ALCAM: variants seen among roughly 807,000 people sequenced by gnomAD.
ALCAM encodes the protein CD166 antigen.
A neutral mutation model predicts 70.9 loss-of-function variants in ALCAM; 30 were observed. The observed-to-expected ratio is 0.42, with a 90% CI of 0.32 to 0.57. The LOEUF (loss-of-function observed/expected upper bound fraction) is 0.57. ALCAM is among the 20% of genes least tolerant of loss of function. The probability of loss-of-function intolerance (pLI) is 0.11; values close to 1 mark genes in which losing one functional copy is unlikely to be tolerated. For missense variants in ALCAM, 591 were observed against 695.1 expected (o/e 0.85, Z 1.68); for synonymous variants, 249 against 242.5 (o/e 1.03, Z -0.25).
In ALCAM at chr3:105,526,224, T is replaced by A. The variant is rs935278101; in HGVS notation, c.394+1716T>A. Among the ~76,000 whole-genome samples the A allele has an allele frequency of 2.0e-5, 3 of 151,752 alleles. 1 individual carries two copies. Among genetic ancestry groups the A allele is most frequent in the Admixed American group, 6.6e-5 (1 of 15,242 alleles). On this transcript the variant is annotated intron_variant, in intron 3 of 15. Coordinates refer to ENST00000306107, the MANE Select transcript of ALCAM (RefSeq NM_001627.4). ...ACTGAGATGGTAATATACAAGGGAG[T>A]TGAGAAAATTCAGTTTGTTTCATTT...
intron 1 of ALCAM, among the ~76,000 whole-genome samples, chr3:105,408,838 T>C (rs1329206651): frequency 6.6e-6 from 1 of 151,456 alleles, no homozygotes; most frequent in Non-Finnish European, 1.5e-5. Flanking sequence ...TACAAAGAAT[T>C]CAAATAAATC....
chr3:105,534,824 C>A lies in ALCAM; in HGVS notation c.709C>A (p.Gln237Lys). The change falls in exon 6 of 16, where the codon CAG (glutamine) becomes AAG (lysine). Residue 237 changes from glutamine (Q) to lysine (K), a missense_variant. By Grantham distance (53) the Gln-to-Lys change is moderately conservative. Around this residue, in one of 2 missense-constraint regions of ALCAM, gnomAD observed 427 missense variants for 450.4 expected, o/e 0.95. Transcript: ENST00000306107. ...PSGQKTIHSE[Q>K]AVFDIYYPTE... ...TGGCCAGAAAACAATTCATTCTGAACAGGCAGTATTTGATATTTACTGTAA... is the reference window on the plus strand; with the variant it reads ...TGGCCAGAAAACAATTCATTCTGAAAAGGCAGTATTTGATATTTACTGTAA... 1 of 1,613,054 alleles carries A rather than the reference C, an allele frequency of 6.2e-7. No homozygotes were observed. The highest frequency in any genetic ancestry group is 8.5e-7 in the Non-Finnish European group (1 of 1,179,444).
intron 6 of ALCAM, among the ~76,000 whole-genome samples, chr3:105,539,331 T>C (rs1426366284): frequency 6.6e-6 from 1 of 152,092 alleles, no homozygotes; most frequent in African/African-American, 2.4e-5. Flanking sequence ...TTAGCCCTAT[T>C]TTCTCCATAA....
At chr3:105,522,582 A>T (rs1171824697) in intron 2 of ALCAM, among the ~76,000 whole-genome samples, 1 of 152,012 alleles carries the variant, frequency 6.6e-6, no homozygotes, top group East Asian at 1.9e-4. Flanking sequence ...ACTCCTCCCA[A>T]CCCTACTCCT....
intron 1 of ALCAM, among the ~76,000 whole-genome samples, chr3:105,405,137 C>T (rs149357366): frequency 0.063 from 9,542 of 151,744 alleles, 417 homozygotes; most frequent in South Asian, 0.17. Flanking sequence ...ATTAGCTGGG[C>T]GTGGTGGCAC....
Position 105,407,789 on chromosome 3 carries a change from A to G in ALCAM, c.73+40308A>G, listed in dbSNP as rs547640092. On this transcript the variant is annotated intron_variant, in intron 1 of 15. Coordinates refer to ENST00000306107, the MANE Select transcript of ALCAM (RefSeq NM_001627.4). Reference sequence around the variant, plus strand: ...GTCAAACTGTCACTGTGTGCTGATGATATGGTTATATATCTAGAAAATCCT... The same window carrying G: ...GTCAAACTGTCACTGTGTGCTGATGGTATGGTTATATATCTAGAAAATCCT... Among the ~76,000 whole-genome samples the G allele has an allele frequency of 5.3e-5, 8 of 152,294 alleles. No homozygotes were observed. The South Asian group carries it at 1.4e-3, about 28-fold the overall frequency.
intron 1 of ALCAM, among the ~76,000 whole-genome samples, chr3:105,467,519 CT>C (rs1277306480): frequency 6.6e-6 from 1 of 151,124 alleles, no homozygotes; most frequent in Admixed American, 6.6e-5. Context: ...TTAAATACTC[CT>C]AATGAGATGT....
chr3:105,370,539 T>TA (rs199622862), intron 1 of ALCAM, among the ~76,000 whole-genome samples: 2,380 of 152,234 alleles, frequency 0.016, 28 homozygotes, highest in Middle Eastern at 0.048. Context: ...AGTCTTAAGG[T>TA]AAAAAACCAA....
At chr3:105,567,113 C>A (rs990266579) in intron 14 of ALCAM, among the ~76,000 whole-genome samples, 3 of 152,060 alleles carry the variant, frequency 2.0e-5, no homozygotes, top group Admixed American at 6.5e-5. Context: ...GATGAGACAT[C>A]ACCTGTTATT....
intron 14 of ALCAM, among the ~76,000 whole-genome samples, chr3:105,570,743 A>ACATGTATAAACT: frequency 6.6e-6 from 1 of 152,376 alleles, no homozygotes; most frequent in Admixed American, 6.5e-5. Flanking sequence ...CATGAATGTC[A>ACATGTATAAACT]CAAACTTAAG....
At chr3:105,506,666 C>T (rs1033454660) in intron 1 of ALCAM, among the ~76,000 whole-genome samples, 5 of 152,040 alleles carry the variant, frequency 3.3e-5, no homozygotes, top group South Asian at 2.1e-4. Context: ...GAGCCAAAGA[C>T]GTAATATTAT....
At chr3:105,520,882 T>G (rs942784733) in intron 2 of ALCAM, among the ~76,000 whole-genome samples, 1 of 152,212 alleles carries the variant, frequency 6.6e-6, no homozygotes, top group Non-Finnish European at 1.5e-5. Context: ...CACAGGAGAC[T>G]CATGACAGTC....
chr3:105,568,900 A>T (rs566699954), intron 14 of ALCAM, among the ~76,000 whole-genome samples: 1 of 151,954 alleles, frequency 6.6e-6, no homozygotes, highest in East Asian at 1.9e-4. Flanking sequence ...TTTCAGTGTT[A>T]CTCAAAACAG....
chr3:105,433,774 C>T (rs1936989221), intron 1 of ALCAM, among the ~76,000 whole-genome samples: 1 of 145,952 alleles, frequency 6.9e-6, no homozygotes, highest in Non-Finnish European at 1.5e-5. Context: ...GAAATATATG[C>T]ACACTCTCAG....
intron 1 of ALCAM, among the ~76,000 whole-genome samples, chr3:105,418,277 A>G (rs1039855664): frequency 1.3e-5 from 2 of 151,932 alleles, no homozygotes; most frequent in African/African-American, 4.8e-5. Context: ...TTAAAATGCA[A>G]TCTTCACCAG....
intron 3 of ALCAM, chr3:105,525,263 A>G: frequency 4.1e-6 from 4 of 984,786 alleles, no homozygotes; most frequent in Non-Finnish European, 4.8e-6. Context: ...TGGAATAATT[A>G]TAGTCACTAT....
Position 105,552,145 on chromosome 3 carries a change from A to G in ALCAM, c.1509A>G (p.Ile503Met). 6.3e-7 allele frequency: 1 copy of G among 1,598,084 alleles called. No homozygotes were observed. Among genetic ancestry groups the G allele is most frequent in the South Asian group, 1.1e-5 (1 of 87,966 alleles). Residue 503 changes from isoleucine (I) to methionine (M), a missense_variant and splice_region_variant, in exon 13 of 16, where the codon ATA (isoleucine) becomes ATG (methionine). Coordinates refer to ENST00000306107, the MANE Select transcript of ALCAM (RefSeq NM_001627.4). Reference sequence around the variant, plus strand: ...TCATATTAACATTTTTCATTTCAGTAAGTATTCCAGAACACGATGAGGCAG... The same window carrying G: ...TCATATTAACATTTTTCATTTCAGTGAGTATTCCAGAACACGATGAGGCAG... ...RTVNSLNVSAISIPEHDEADE... is the reference protein window; with the variant it reads ...RTVNSLNVSAMSIPEHDEADE...
At chr3:105,527,150 G>A (rs1370423995) in intron 3 of ALCAM, among the ~76,000 whole-genome samples, 2 of 152,074 alleles carry the variant, frequency 1.3e-5, no homozygotes, top group Non-Finnish European at 2.9e-5. Flanking sequence ...TAGTTGAATG[G>A]CATCAAAATC....
At chr3:105,367,635 G>T (rs577815848) in intron 1 of ALCAM, among the ~76,000 whole-genome samples, 154 bp downstream of exon 1, 1 of 152,286 alleles carries the variant, frequency 6.6e-6, no homozygotes, top group East Asian at 1.9e-4. Flanking sequence ...CCCCGGGCTC[G>T]GTCACCTGTG....
Sources: allele counts gnomAD v4.1 joint callset (sites outside exome capture counted in the v4.1 genomes callset), GRCh38; gene constraint gnomAD v4.1.1; regional missense constraint gnomAD v4.1.1; transcripts MANE v1.5; gene names NCBI Gene and HGNC (gene_info 2026-07-23, HGNC 2026-07-21).